NCOA1: variants seen among roughly 807,000 people sequenced by gnomAD.
NCOA1 encodes nuclear receptor coactivator 1, also known as Hin-2 protein.
NCOA1 carries 35 observed loss-of-function variants against 150.9 expected under a neutral mutation model. The ratio of observed to expected loss-of-function variants is 0.23; its 90% CI spans 0.18 to 0.31. The LOEUF is 0.31. Ranked by LOEUF, NCOA1 falls within the 10% of genes least tolerant of loss-of-function variation. The probability of loss-of-function intolerance (pLI) is 1.00; values close to 1 mark genes in which losing one functional copy is unlikely to be tolerated. For missense variants in NCOA1, 1,491 were observed against 1,749.3 expected, an observed-to-expected ratio of 0.85 and a Z score of 2.63; for synonymous variants, 590 against 630.0, an observed-to-expected ratio of 0.94 and a Z score of 0.95.
rs1478432345 is a variant in NCOA1 at position 24,768,964 on chromosome 2, C to T, written c.*573C>T. On this transcript the variant is annotated 3_prime_UTR_variant, in exon 23 of 23. Coordinates refer to ENST00000348332, the MANE Select transcript of NCOA1 (RefSeq NM_003743.5). ...AATATTTTGCCTCCACATATGTACC[C>T]CTTCTCCTTTTTTTAAAGATGGATT... The T allele has an allele frequency of 4.7e-6, 1 of 213,974 alleles. No individual in the cohort carries two copies. Among genetic ancestry groups the T allele is most frequent in the Non-Finnish European group, 9.5e-6 (1 of 105,768 alleles). 13.3% of individuals were successfully genotyped at this position (213,974 alleles called of 1,614,324 possible). A position where few individuals can be genotyped will look rare whatever the true frequency, so the allele number is the denominator to read the frequency against.
Position 24,658,688 on chromosome 2 carries a change from T to C in NCOA1, c.11T>C (p.Leu4Pro), listed in dbSNP as rs886797543. The C allele has an allele frequency of 2.5e-6, 4 of 1,614,050 alleles. No homozygotes were observed. The highest frequency in any genetic ancestry group is 3.4e-6 in the Non-Finnish European group (4 of 1,179,938). Reference sequence around the variant, plus strand: ...GTGAAGTTTTTCAACATGAGTGGCCTCGGGGACAGTTCATCCGACCCTGCT... The same window carrying C: ...GTGAAGTTTTTCAACATGAGTGGCCCCGGGGACAGTTCATCCGACCCTGCT... MSGLGDSSSDPANP... is the reference protein window; with the variant it reads MSGPGDSSSDPANP... Residue 4 changes from leucine to proline, a missense_variant, in exon 5 of 23, where the codon CTC becomes CCC. By Grantham distance (98) the Leu-to-Pro change is moderately conservative. Coordinates refer to ENST00000348332, the MANE Select transcript of NCOA1 (RefSeq NM_003743.5).
intron 19 of NCOA1, among the ~76,000 whole-genome samples, chr2:24,749,791 A>G (rs1303201890): frequency 1.3e-5 from 2 of 152,242 alleles, no homozygotes; most frequent in Non-Finnish European, 2.9e-5. Flanking sequence ...ACTACCAGGT[A>G]TGCAAAGAAG....
chr2:24,743,332 A>C (rs1437142387), intron 19 of NCOA1, among the ~76,000 whole-genome samples: 1 of 152,232 alleles, frequency 6.6e-6, no homozygotes, highest in Non-Finnish European at 1.5e-5. Context: ...CAGCCAAATC[A>C]ATTTAGAGTT....
Position 24,769,298 on chromosome 2 carries a change from G to C in NCOA1, c.*907G>C. 5.3e-6 allele frequency: 1 copy of C among 189,078 alleles called. No homozygotes were observed. Among genetic ancestry groups the C allele is most frequent in the East Asian group, 8.5e-5 (1 of 11,698 alleles). 11.7% of individuals were successfully genotyped at this position (189,078 alleles called of 1,614,324 possible). On this transcript the variant is annotated 3_prime_UTR_variant, in exon 23 of 23. Coordinates refer to ENST00000348332, the MANE Select transcript of NCOA1 (RefSeq NM_003743.5). ...TTGTAAATATATTTGATTTCTTGTA[G>C]AAATTGATTTCCTTCTGTTTAATTT...
intron 8 of NCOA1, among the ~76,000 whole-genome samples, chr2:24,685,032 AAAATC>A (rs778433187): frequency 7.3e-4 from 111 of 152,132 alleles, no homozygotes; most frequent in Non-Finnish European, 5.1e-4. Context: ...ACTGGGGAAA[AAAATC>A]AAATCAAGAT....
At chr2:24,508,201 A>C (rs1351420778) in intron 1 of NCOA1, among the ~76,000 whole-genome samples, 1 of 152,168 alleles carries the variant, frequency 6.6e-6, no homozygotes, top group East Asian at 1.9e-4. Context: ...TTCATTTCAT[A>C]GTTATGACTT....
At chr2:24,505,776 G>T (rs140802425) in intron 1 of NCOA1, among the ~76,000 whole-genome samples, 1 of 152,156 alleles carries the variant, frequency 6.6e-6, no homozygotes, top group African/African-American at 2.4e-5. Context: ...CCGGATGGCC[G>T]TGTGATGACC....
chr2:24,658,176 A>T (rs1325316790), intron 4 of NCOA1, among the ~76,000 whole-genome samples: 1 of 152,232 alleles, frequency 6.6e-6, no homozygotes, highest in African/African-American at 2.4e-5. Flanking sequence ...TATCACTTTA[A>T]CTTAATTATG....
intron 1 of NCOA1, among the ~76,000 whole-genome samples, chr2:24,501,622 TAA>T (rs1572352294): frequency 6.6e-6 from 1 of 152,208 alleles, no homozygotes; most frequent in African/African-American, 2.4e-5. Context: ...TTCCTATTCA[TAA>T]ACTTTTAAAC....
intron 9 of NCOA1, 95 bp from the exon 10 acceptor site, chr2:24,693,157 A>G (rs906578924): frequency 3.1e-5 from 38 of 1,233,468 alleles, no homozygotes; most frequent in African/African-American, 4.5e-5. Context: ...TCTGGCCAAC[A>G]TGTATTGTTT....
intron 7 of NCOA1, among the ~76,000 whole-genome samples, chr2:24,681,710 CTTT>C (rs1291429104): frequency 2.8e-5 from 4 of 141,980 alleles, no homozygotes; most frequent in Non-Finnish European, 4.6e-5. Context: ...GTACCCTGGC[CTTT>C]TTTTTTTTTT....
At chr2:24,674,808 G>A (rs1671832285) in intron 7 of NCOA1, among the ~76,000 whole-genome samples, 1 of 151,850 alleles carries the variant, frequency 6.6e-6, no homozygotes. Context: ...CTGCCTGCTG[G>A]TCAGAGTTCT....
intron 1 of NCOA1, among the ~76,000 whole-genome samples, chr2:24,504,918 C>T (rs775350596): frequency 6.6e-6 from 1 of 152,018 alleles, no homozygotes; most frequent in Non-Finnish European, 1.5e-5. Context: ...GGTCATTTTC[C>T]CCCTGTTATC....
chr2:24,694,473 T>C (rs1202374525), intron 10 of NCOA1, among the ~76,000 whole-genome samples: 1 of 152,212 alleles, frequency 6.6e-6, no homozygotes, highest in Non-Finnish European at 1.5e-5. Context: ...TTTTATAAGA[T>C]CCTATTTCAT....
At chr2:24,513,671 A>G (rs1664031788) in intron 1 of NCOA1, among the ~76,000 whole-genome samples, 1 of 152,240 alleles carries the variant, frequency 6.6e-6, no homozygotes, top group Non-Finnish European at 1.5e-5. Flanking sequence ...TGCATCTTCA[A>G]CTTTGGAGAA....
chr2:24,759,148 C>A (rs866401572), intron 21 of NCOA1, among the ~76,000 whole-genome samples: 1 of 152,102 alleles, frequency 6.6e-6, no homozygotes, highest in Non-Finnish European at 1.5e-5. Context: ...TGCATATGTA[C>A]AAGTTGGGAA....
intron 4 of NCOA1, among the ~76,000 whole-genome samples, chr2:24,656,025 T>C (rs1339013037): frequency 6.6e-6 from 1 of 150,470 alleles, no homozygotes; most frequent in Non-Finnish European, 1.5e-5. Context: ...GAGGCGGAGC[T>C]TGCAGTGAGC....
intron 3 of NCOA1, among the ~76,000 whole-genome samples, chr2:24,591,289 A>G (rs1667647252): frequency 1.3e-5 from 2 of 152,208 alleles, no homozygotes; most frequent in South Asian, 4.1e-4. Flanking sequence ...TCAACTGGAC[A>G]TGTGGTAAGC....
chr2:24,596,382 G>A (rs929310770), intron 3 of NCOA1, among the ~76,000 whole-genome samples: 1 of 152,114 alleles, frequency 6.6e-6, no homozygotes, highest in Non-Finnish European at 1.5e-5. Context: ...ATGCCATACA[G>A]TAATACTGAC....
Sources: gnomAD v4.1 joint callset for allele counts (sites outside exome capture counted in the v4.1 genomes callset) on GRCh38, gnomAD v4.1.1 for gene constraint, MANE v1.5 for transcripts, NCBI Gene and HGNC (gene_info 2026-07-23, HGNC 2026-07-21) for gene names.